The following PDGFC variants were observed in gnomAD, a reference collection of about 807,000 sequenced individuals.
The protein encoded by PDGFC is platelet-derived growth factor C.
A neutral mutation model predicts 35.5 loss-of-function variants in PDGFC; 12 were observed. The observed-to-expected ratio is 0.34, with a 90% CI of 0.22 to 0.55. The LOEUF is 0.55. Ranked by LOEUF, PDGFC falls within the 20% of genes least tolerant of loss-of-function variation. PDGFC has a pLI of 0.91. For missense variants in PDGFC, 322 were observed against 412.4 expected (o/e 0.78, Z 1.90); for synonymous variants, 159 against 148.8 (o/e 1.07, Z -0.50).
intron 1 of PDGFC, among the ~76,000 whole-genome samples, chr4:156,883,053 C>T (rs1055592076): frequency 6.7e-6 from 1 of 148,884 alleles, no homozygotes; most frequent in African/African-American, 2.5e-5. Flanking sequence ...CACTGCAATC[C>T]AGCCTGAGCG....
At chr4:156,770,657 T>C (rs1320405858) in intron 4 of PDGFC, 1 of 152,068 alleles carries the variant, frequency 6.6e-6, no homozygotes, top group Non-Finnish European at 1.5e-5. Context: ...AGAAAACAAA[T>C]ACAGGTATTA....
chr4:156,914,390 G>C lies in PDGFC; in HGVS notation c.118+56396C>G, dbSNP rs528199322. Among the ~76,000 whole-genome samples the C allele has an allele frequency of 1.8e-4, 27 of 152,196 alleles. 1 individual carries two copies. In the South Asian group the frequency reaches 5.4e-3, roughly 30 times the overall value. On this transcript the variant is annotated intron_variant, in intron 1 of 5. Coordinates refer to ENST00000502773, the MANE Select transcript of PDGFC (RefSeq NM_016205.3). The stretch of plus-strand genomic sequence containing the variant: ...ACTGCCTATATAGCCTTCTGGATCT[G>C]AACTTCCATTGTTTGATGAACCCCT...
intron 2 of PDGFC, among the ~76,000 whole-genome samples, chr4:156,814,611 T>C (rs940219470): frequency 2.0e-5 from 3 of 152,104 alleles, no homozygotes; most frequent in East Asian, 1.9e-4. Flanking sequence ...AAAAAAAGCA[T>C]CCTAAAGAGA....
intron 2 of PDGFC, among the ~76,000 whole-genome samples, chr4:156,817,052 G>C (rs891395448): frequency 6.6e-6 from 1 of 152,072 alleles, no homozygotes; most frequent in Middle Eastern, 3.2e-3. Flanking sequence ...CACAACACAT[G>C]AATGGGTAAT....
chr4:156,935,391 C>T (rs1191639293), intron 1 of PDGFC, among the ~76,000 whole-genome samples: 1 of 152,190 alleles, frequency 6.6e-6, no homozygotes, highest in African/African-American at 2.4e-5. Flanking sequence ...CATTCATTAT[C>T]TTTATCAAGT....
At chr4:156,825,587 T>TAAGAAGAAGAAGAAGAAGAAG (rs1390899557) in intron 2 of PDGFC, among the ~76,000 whole-genome samples, 20 of 87,198 alleles carry the variant, frequency 2.3e-4, no homozygotes, top group African/African-American at 9.2e-4. Flanking sequence ...ATAATAATAA[T>TAAGAAGAAGAAGAAGAAGAAG]AATAATAAGA....
intron 2 of PDGFC, among the ~76,000 whole-genome samples, chr4:156,847,370 A>C (rs141411630): frequency 6.6e-6 from 1 of 151,754 alleles, no homozygotes; most frequent in African/African-American, 2.4e-5. Context: ...TTATAATCTC[A>C]GTGTAAGCAT....
At chr4:156,948,292 CA>C (rs1731995964) in intron 1 of PDGFC, among the ~76,000 whole-genome samples, 1 of 150,780 alleles carries the variant, frequency 6.6e-6, no homozygotes, top group African/African-American at 2.4e-5. Flanking sequence ...TCTTCCCAGA[CA>C]AAACTCTTAG....
At chr4:156,948,060 T>G (rs541121664) in intron 1 of PDGFC, among the ~76,000 whole-genome samples, 1 of 151,936 alleles carries the variant, frequency 6.6e-6, no homozygotes, top group African/African-American at 2.4e-5. Flanking sequence ...GGATTTTCTT[T>G]CCATGTTTTT....
At chr4:156,884,677 GA>G (rs1356168297) in intron 1 of PDGFC, among the ~76,000 whole-genome samples, 1 of 152,138 alleles carries the variant, frequency 6.6e-6, no homozygotes, top group Non-Finnish European at 1.5e-5. Flanking sequence ...TTTGTATACT[GA>G]TTTGCTAATT....
chr4:156,931,602 T>C (rs1354771977), intron 1 of PDGFC, among the ~76,000 whole-genome samples: 2 of 152,138 alleles, frequency 1.3e-5, no homozygotes, highest in Non-Finnish European at 1.5e-5. Flanking sequence ...GCCAAGACAA[T>C]AGACAAATGC....
chr4:156,836,334 C>T (rs1025149646), intron 2 of PDGFC, among the ~76,000 whole-genome samples: 3 of 152,140 alleles, frequency 2.0e-5, no homozygotes, highest in African/African-American at 7.2e-5. Context: ...TAGAGCATTG[C>T]ACTAAATTAA....
At chr4:156,765,549 G>A (rs1354143338) in intron 5 of PDGFC, among the ~76,000 whole-genome samples, 1 of 152,148 alleles carries the variant, frequency 6.6e-6, no homozygotes, top group East Asian at 1.9e-4. Flanking sequence ...ACTAGAATCA[G>A]GCAACTGAAT....
intron 1 of PDGFC, among the ~76,000 whole-genome samples, chr4:156,875,664 T>C (rs974988111): frequency 2.0e-5 from 3 of 152,218 alleles, no homozygotes; most frequent in African/African-American, 7.2e-5. Flanking sequence ...ACGCCTGTAA[T>C]CCCAGCACTT....
intron 1 of PDGFC, among the ~76,000 whole-genome samples, chr4:156,897,378 GTGTGTC>G (rs1730660175): frequency 6.6e-6 from 1 of 151,724 alleles, no homozygotes; most frequent in East Asian, 1.9e-4. Flanking sequence ...GTGTGTGTGT[GTGTGTC>G]AAAAGCATTA....
chr4:156,968,166 A>C (rs1732509476), intron 1 of PDGFC, among the ~76,000 whole-genome samples: 1 of 152,274 alleles, frequency 6.6e-6, no homozygotes, highest in Admixed American at 6.5e-5. Flanking sequence ...TAATATTAAA[A>C]CTGAGCAGCC....
At chr4:156,966,343 A>G (rs1037684046) in intron 1 of PDGFC, among the ~76,000 whole-genome samples, 2 of 152,220 alleles carry the variant, frequency 1.3e-5, no homozygotes, top group Non-Finnish European at 2.9e-5. Context: ...CTTCCAAATT[A>G]GAAACATGAA....
chr4:156,908,103 T>C (rs898616822), intron 1 of PDGFC, among the ~76,000 whole-genome samples: 2 of 152,004 alleles, frequency 1.3e-5, no homozygotes, highest in South Asian at 2.1e-4. Flanking sequence ...GAAGCGGAGG[T>C]TGCAGTGAGC....
chr4:156,801,429 G>A (rs957576694), intron 3 of PDGFC, among the ~76,000 whole-genome samples: 16 of 152,090 alleles, frequency 1.1e-4, no homozygotes, highest in Non-Finnish European at 1.3e-4. Context: ...TTGACAAAAA[G>A]AGCCCCCTGG....
Sources: gnomAD v4.1 joint callset for allele counts (sites outside exome capture counted in the v4.1 genomes callset) on GRCh38, gnomAD v4.1.1 for gene constraint, MANE v1.5 for transcripts, NCBI Gene and HGNC (gene_info 2026-07-23, HGNC 2026-07-21) for gene names.